Variants in ABHD18 observed in about 807,000 individuals in gnomAD.
The protein encoded by ABHD18 is abhydrolase domain containing 18.
ABHD18 carries 55 observed loss-of-function variants against 65.9 expected under a neutral mutation model. The ratio of observed to expected loss-of-function variants is 0.84; its 90% CI spans 0.67 to 1.05. The LOEUF (loss-of-function observed/expected upper bound fraction) is 1.05. Ranked by LOEUF, ABHD18 falls within the 50% of genes least tolerant of loss-of-function variation. The pLI, the probability that ABHD18 is intolerant of heterozygous loss-of-function variation, is 0.00. For missense variants in ABHD18, 533 were observed against 558.5 expected (o/e 0.95, Z 0.46); for synonymous variants, 181 against 180.2 (o/e 1.00, Z -0.04).
At chr4:127,994,629 C>T (rs1207458034) in intron 4 of ABHD18, among the ~76,000 whole-genome samples, 2 of 151,974 alleles carry the variant, frequency 1.3e-5, no homozygotes, top group East Asian at 1.9e-4. Flanking sequence ...ATTTGAGCAA[C>T]CTTAAATAAT....
rs1756251689 is a variant in ABHD18 at position 128,020,198 on chromosome 4, G to C, written c.699+29G>C. On this transcript the variant is annotated intron_variant, in intron 9 of 12. Transcript: ENST00000645843. Reference sequence around the variant, plus strand: ...ATTTAATTGTAATTAATATTAGGTAGCTATATATAATTAGAGGTAATTGTT... The same window carrying C: ...ATTTAATTGTAATTAATATTAGGTACCTATATATAATTAGAGGTAATTGTT... The C allele has an allele frequency of 7.8e-6, 12 of 1,544,416 alleles. No homozygotes were observed. The East Asian group carries it at 2.5e-4, about 33-fold the overall frequency.
At chr4:128,019,627 C>A (rs892665086) in intron 8 of ABHD18, among the ~76,000 whole-genome samples, 2 of 152,222 alleles carry the variant, frequency 1.3e-5, no homozygotes, top group South Asian at 4.1e-4. Context: ...TCTCTAATCA[C>A]ACACATTACA....
chr4:127,997,642 A>G (rs902734723), intron 4 of ABHD18, among the ~76,000 whole-genome samples: 4 of 152,214 alleles, frequency 2.6e-5, no homozygotes, highest in Admixed American at 6.5e-5. Flanking sequence ...GCCTTGTCAA[A>G]GGCAACAAGT....
At position 128,030,873 on chromosome 4, in the gene ABHD18, G is replaced by A. The variant is rs914994919; in HGVS notation, c.1343+201G>A. ...TTCTTATTTTCTTCTAGAGAACTAA[G>A]CATGATGCATATTATAGGCATGCTT... On this transcript the variant is annotated intron_variant, in intron 12 of 12. Coordinates refer to ENST00000645843, the MANE Select transcript of ABHD18 (RefSeq NM_001358451.3). 5 of 1,329,510 alleles carry A rather than the reference G, an allele frequency of 3.8e-6. 1 individual carries two copies. The African/African-American group carries it at 6.2e-5, about 16-fold the overall frequency. The allele number at this position is 1,329,510 out of a possible 1,614,324, so 82.4% of individuals were successfully genotyped here. A position where few individuals can be genotyped will look rare whatever the true frequency, so the allele number is the denominator to read the frequency against.
chr4:128,011,728 A>C, intron 7 of ABHD18, 28 bp downstream of exon 7: 1 of 1,516,390 alleles, frequency 6.6e-7, no homozygotes, highest in African/African-American at 1.4e-5. Flanking sequence ...TCATTTTTGC[A>C]GTCTTTTTAC....
chr4:128,015,076 T>TAA (rs35551300), intron 7 of ABHD18, among the ~76,000 whole-genome samples: 67 of 122,958 alleles, frequency 5.4e-4, no homozygotes, highest in African/African-American at 1.6e-3. Context: ...AAACTCCATC[T>TAA]AAAAAAAAAA....
chr4:127,975,391 GAATCATAC>G (rs1286201457), intron 1 of ABHD18, among the ~76,000 whole-genome samples: 1 of 152,016 alleles, frequency 6.6e-6, no homozygotes, highest in African/African-American at 2.4e-5. Flanking sequence ...TGTTTAAATT[GAATCATAC>G]AATATTTGTC....
chr4:128,016,198 C>G (rs1309087458), intron 7 of ABHD18, among the ~76,000 whole-genome samples: 1 of 151,900 alleles, frequency 6.6e-6, no homozygotes, highest in East Asian at 1.9e-4. Context: ...ATGATCTGCC[C>G]ACCTTGGCCT....
At chr4:127,966,925 C>G (rs898144475) in intron 1 of ABHD18, among the ~76,000 whole-genome samples, 8 of 149,022 alleles carry the variant, frequency 5.4e-5, no homozygotes, top group Admixed American at 6.7e-5. Flanking sequence ...ACGTGCTATT[C>G]AGAAATATCT....
intron 1 of ABHD18, among the ~76,000 whole-genome samples, chr4:127,968,341 C>G (rs1453077464): frequency 6.6e-6 from 1 of 152,140 alleles, no homozygotes; most frequent in Non-Finnish European, 1.5e-5. Context: ...GTATCTAAAC[C>G]CTTTCTTAGC....
At chr4:128,008,051 C>T (rs574580919) in intron 4 of ABHD18, among the ~76,000 whole-genome samples, 1 of 151,964 alleles carries the variant, frequency 6.6e-6, no homozygotes, top group African/African-American at 2.4e-5. Flanking sequence ...ATCACAAGGT[C>T]AGGAGTTCAA....
At chr4:128,015,378 A>G (rs1454903550) in intron 7 of ABHD18, among the ~76,000 whole-genome samples, 1 of 152,212 alleles carries the variant, frequency 6.6e-6, no homozygotes, top group Non-Finnish European at 1.5e-5. Flanking sequence ...GTCTACTATT[A>G]TAAATAACTA....
At chr4:127,975,879 G>A (rs1318801321) in intron 1 of ABHD18, among the ~76,000 whole-genome samples, 2 of 152,094 alleles carry the variant, frequency 1.3e-5, no homozygotes, top group South Asian at 2.1e-4. Flanking sequence ...AGGCTAGAGT[G>A]CAGTGGTACA....
chr4:128,033,524 C>CT (rs869099600), intron 12 of ABHD18, among the ~76,000 whole-genome samples: 1,338 of 108,628 alleles, frequency 0.012, 37 homozygotes, highest in East Asian at 0.037. Flanking sequence ...CAAAGATAGT[C>CT]TTTTTTTTTT....
At chr4:128,030,389 A>G (rs1366770210) in intron 11 of ABHD18, 121 bp from the exon 12 acceptor site, 9 of 623,770 alleles carry the variant, frequency 1.4e-5, no homozygotes, top group Middle Eastern at 2.9e-4. Context: ...GTAGCATATT[A>G]TAGTTGATTT....
At chr4:127,976,078 A>C (rs1201656478) in intron 1 of ABHD18, among the ~76,000 whole-genome samples, 1 of 152,122 alleles carries the variant, frequency 6.6e-6, no homozygotes, top group African/African-American at 2.4e-5. Context: ...TCAGCCTCCT[A>C]AAGTGTTGGG....
chr4:128,022,105 G>A (rs1279388454), intron 10 of ABHD18, among the ~76,000 whole-genome samples: 1 of 152,178 alleles, frequency 6.6e-6, no homozygotes, highest in South Asian at 2.1e-4. Flanking sequence ...GGGAAGGATA[G>A]CATTAGGAGA....
intron 10 of ABHD18, among the ~76,000 whole-genome samples, chr4:128,024,194 A>C (rs1198839027): frequency 6.6e-6 from 1 of 152,206 alleles, no homozygotes; most frequent in African/African-American, 2.4e-5. Context: ...CAGAAGGCAT[A>C]AGGGCAAGAG....
chr4:128,028,429 C>A, intron 10 of ABHD18, 46 bp from the exon 11 acceptor site: 1 of 1,340,246 alleles, frequency 7.5e-7, no homozygotes, highest in Non-Finnish European at 9.8e-7. Context: ...GCTGTTAATA[C>A]CCTATTTTAT....
Sources: gnomAD v4.1 joint callset for allele counts (sites outside exome capture counted in the v4.1 genomes callset) on GRCh38, gnomAD v4.1.1 for gene constraint, MANE v1.5 for transcripts, NCBI Gene and HGNC (gene_info 2026-07-23, HGNC 2026-07-21) for gene names.